Variants in TBC1D9 observed in about 807,000 individuals in gnomAD.
TBC1D9 encodes the protein TBC1 domain family member 9.
TBC1D9 carries 63 observed loss-of-function variants against 132.0 expected under a neutral mutation model. The ratio of observed to expected loss-of-function variants is 0.48; its 90% CI spans 0.39 to 0.59. The LOEUF (loss-of-function observed/expected upper bound fraction) is 0.59. Among genes scored for constraint, TBC1D9 ranks in the 20% least tolerant of loss-of-function variants. The pLI is 0.00. For missense variants in TBC1D9, 1,261 were observed against 1,592.7 expected, an observed-to-expected ratio of 0.79 and a Z score of 3.54; for synonymous variants, 610 against 609.9, an observed-to-expected ratio of 1.00 and a Z score of 0.00.
intron 9 of TBC1D9, among the ~76,000 whole-genome samples, chr4:140,662,925 A>T (rs1737386956): frequency 6.6e-6 from 1 of 152,232 alleles, no homozygotes; most frequent in South Asian, 2.1e-4. Context: ...ATTAAATTAA[A>T]TTTCAATTCC....
intron 13 of TBC1D9, among the ~76,000 whole-genome samples, chr4:140,649,601 C>T (rs1379821149): frequency 6.6e-6 from 1 of 152,194 alleles, no homozygotes; most frequent in Non-Finnish European, 1.5e-5. Flanking sequence ...GAGAGGGATT[C>T]TCACACACAG....
At chr4:140,623,275 C>T (rs1318456024) in intron 20 of TBC1D9, among the ~76,000 whole-genome samples, 2 of 152,046 alleles carry the variant, frequency 1.3e-5, no homozygotes, top group Admixed American at 6.6e-5. Flanking sequence ...CGCCATTTTA[C>T]CCAGGCTGGT....
At chr4:140,670,364 T>C (rs908243027) in intron 7 of TBC1D9, among the ~76,000 whole-genome samples, 3 of 152,222 alleles carry the variant, frequency 2.0e-5, no homozygotes, top group Non-Finnish European at 4.4e-5. Context: ...TCTATCATAA[T>C]AAAAATCATC....
chr4:140,686,746 C>T (rs1223178686), intron 2 of TBC1D9, among the ~76,000 whole-genome samples: 1 of 152,144 alleles, frequency 6.6e-6, no homozygotes, highest in Non-Finnish European at 1.5e-5. Context: ...AGCAATATTT[C>T]TCAAATTCAC....
At chr4:140,709,248 T>TCTCACACACACACACA (rs1382500714) in intron 1 of TBC1D9, among the ~76,000 whole-genome samples, 1 of 104,192 alleles carries the variant, frequency 9.6e-6, no homozygotes, top group African/African-American at 4.4e-5. Context: ...TCTCTCTCTC[T>TCTCACACACACACACA]CACACACACA....
chr4:140,725,837 A>C (rs1473409805), intron 1 of TBC1D9, among the ~76,000 whole-genome samples: 1 of 152,184 alleles, frequency 6.6e-6, no homozygotes, highest in Admixed American at 6.5e-5. Flanking sequence ...TGTACATGCA[A>C]AAAGAATCTG....
intron 2 of TBC1D9, among the ~76,000 whole-genome samples, 156 bp downstream of exon 2, chr4:140,701,348 G>A (rs547401230): frequency 3.4e-4 from 52 of 152,328 alleles, no homozygotes; most frequent in Non-Finnish European, 5.0e-4. Flanking sequence ...TTAAGCCACT[G>A]AGACTTTGGG....
At chr4:140,649,814 T>C (rs1462231854) in intron 13 of TBC1D9, among the ~76,000 whole-genome samples, 1 of 152,330 alleles carries the variant, frequency 6.6e-6, no homozygotes, top group Non-Finnish European at 1.5e-5. Flanking sequence ...TGGAGTCCCA[T>C]GTTCGTTGAA....
chr4:140,687,341 GTCATATATATATATATA>G lies in TBC1D9; in HGVS notation c.242-896_242-880del, dbSNP rs1578840749. Among the ~76,000 whole-genome samples, 6 of 91,038 alleles carry G rather than the reference GTCATATATATATATATA, an allele frequency of 6.6e-5. 1 individual carries two copies. The highest frequency in any genetic ancestry group is 8.2e-4 in the East Asian group (2 of 2,444). 59.7% of individuals were successfully genotyped at this position (91,038 alleles called of 152,430 possible). A position where few individuals can be genotyped will look rare whatever the true frequency, so the allele number is the denominator to read the frequency against. ...TATATATGTGTGTGTGTGTGTGTGT[GTCATATATATATATATA>G]TATATATATATATATATATATATAT... On this transcript the variant is annotated intron_variant, in intron 2 of 20. Coordinates refer to ENST00000442267, the MANE Select transcript of TBC1D9 (RefSeq NM_015130.3).
chr4:140,749,911 T>C (rs1323020214), intron 1 of TBC1D9, among the ~76,000 whole-genome samples: 1 of 152,096 alleles, frequency 6.6e-6, no homozygotes, highest in Non-Finnish European at 1.5e-5. Context: ...ATATTACAAT[T>C]ATAATGCTAT....
chr4:140,694,874 A>T (rs1483013285), intron 2 of TBC1D9, among the ~76,000 whole-genome samples: 2 of 151,918 alleles, frequency 1.3e-5, no homozygotes, highest in Non-Finnish European at 2.9e-5. Flanking sequence ...AATTTTTGCA[A>T]TAAACATGTA....
chr4:140,643,616 T>C (rs1245779593), intron 13 of TBC1D9: 4 of 960,972 alleles, frequency 4.2e-6, no homozygotes, highest in Non-Finnish European at 6.1e-6. Flanking sequence ...GCGCTGCCTC[T>C]GCCGCAGGAA....
chr4:140,714,332 C>T (rs1263916631), intron 1 of TBC1D9, among the ~76,000 whole-genome samples: 1 of 152,152 alleles, frequency 6.6e-6, no homozygotes, highest in Non-Finnish European at 1.5e-5. Flanking sequence ...TTTACAGGGA[C>T]ATAAGACATC....
chr4:140,651,719 T>A (rs531817562), intron 13 of TBC1D9, among the ~76,000 whole-genome samples: 40 of 152,316 alleles, frequency 2.6e-4, no homozygotes, highest in South Asian at 2.1e-3. Flanking sequence ...CTGTCTGGAC[T>A]TTGCTTTAAG....
intron 2 of TBC1D9, among the ~76,000 whole-genome samples, chr4:140,691,381 C>T (rs528222420): frequency 2.6e-5 from 4 of 152,238 alleles, no homozygotes; most frequent in East Asian, 3.9e-4. Flanking sequence ...TAAGTACATG[C>T]GCTGCAGTAA....
chr4:140,715,915 G>A (rs573063264), intron 1 of TBC1D9: 2 of 152,092 alleles, frequency 1.3e-5, no homozygotes, highest in South Asian at 2.1e-4. Flanking sequence ...AATTGAGCTC[G>A]GAAGACCTGA....
At chr4:140,702,724 A>G (rs1440002980) in intron 1 of TBC1D9, among the ~76,000 whole-genome samples, 4 of 152,208 alleles carry the variant, frequency 2.6e-5, no homozygotes, top group Admixed American at 2.6e-4. Context: ...AGTATTTTAA[A>G]ATAACACAGA....
At chr4:140,687,245 A>T (rs960645536) in intron 2 of TBC1D9, among the ~76,000 whole-genome samples, 36 of 149,152 alleles carry the variant, frequency 2.4e-4, no homozygotes, top group African/African-American at 8.3e-4. Flanking sequence ...TCCCCTAATG[A>T]TTGTTAATGA....
chr4:140,731,892 A>G (rs1738599347), intron 1 of TBC1D9, among the ~76,000 whole-genome samples: 1 of 152,184 alleles, frequency 6.6e-6, no homozygotes, highest in Non-Finnish European at 1.5e-5. Flanking sequence ...ATGTGCCTTA[A>G]CTGGTATATT....
Sources: allele counts gnomAD v4.1 joint callset (sites outside exome capture counted in the v4.1 genomes callset), GRCh38; gene constraint gnomAD v4.1.1; transcripts MANE v1.5; gene names NCBI Gene and HGNC (gene_info 2026-07-23, HGNC 2026-07-21).